PGBD1: variants seen among roughly 807,000 people sequenced by gnomAD.
The protein encoded by PGBD1 is piggyBac transposable element-derived protein 1.
In PGBD1, 25 loss-of-function variants were observed where a neutral mutation model predicts 34.7. That is an observed-to-expected ratio of 0.72 (90% confidence interval 0.52 to 1.00). PGBD1 has a LOEUF of 1.00. Ranked by LOEUF, PGBD1 falls within the 50% of genes least tolerant of loss-of-function variation. PGBD1 has a pLI of 0.00. For synonymous variants in PGBD1, 292 were observed against 335.7 expected, an observed-to-expected ratio of 0.87 and a Z score of 1.42; for missense variants, 830 against 959.4, an observed-to-expected ratio of 0.87 and a Z score of 1.78.
rs1299100739 is a variant in PGBD1 at position 28,300,718 on chromosome 6, T to C, written c.870-6T>C. The C allele has an allele frequency of 6.3e-7, 1 of 1,589,430 alleles. No individual in the cohort carries two copies. The highest frequency in any genetic ancestry group is 1.4e-5 in the African/African-American group (1 of 73,466). ...TTTTATAACATGTTCTTTTTTTCTT[T>C]CCCAGAGAGTGTGCACCCCAGATTC... On this transcript the variant is annotated splice_region_variant and splice_polypyrimidine_tract_variant and intron_variant, in intron 6 of 6. Transcript: ENST00000682144. This position sits in a 1 kb window ranked among gnomAD's most constrained non-coding sequence, Gnocchi z 4.0.
rs764161987 is a variant in PGBD1 at position 28,300,819 on chromosome 6, T to TGG, written c.966_967insGG (p.Trp323GlyfsTer29). The stretch of plus-strand genomic sequence containing the variant: ...CTGAAGGACCGTCACCCAGGTGATT[T>TGG]GTGGGCCCGCATGCACATCTCATCC... On this transcript the variant is annotated frameshift_variant, in exon 7 of 7. Coordinates refer to ENST00000682144, the MANE Select transcript of PGBD1 (RefSeq NM_032507.4). LOFTEE classifies it low-confidence loss of function (END_TRUNC). The surrounding 1 kb of genome is among the most constrained non-coding windows in gnomAD (Gnocchi z 4.0). 6.2e-7 allele frequency: 1 copy of TGG among 1,614,142 alleles called. No individual in the cohort carries two copies. The highest frequency in any genetic ancestry group is 8.5e-7 in the Non-Finnish European group (1 of 1,180,022).
At chr6:28,290,672 G>A (rs1561887509) in intron 4 of PGBD1, among the ~76,000 whole-genome samples, 1 of 152,076 alleles carries the variant, frequency 6.6e-6, no homozygotes, top group Non-Finnish European at 1.5e-5. Context: ...CAGCACGTGG[G>A]ACATAAGAAT....
At position 28,301,810 on chromosome 6, in the gene PGBD1, G is replaced by A. The variant is rs1322566255; in HGVS notation, c.1956G>A (p.Glu652=). 6.2e-7 allele frequency: 1 copy of A among 1,614,026 alleles called. No individual in the cohort carries two copies. The highest frequency in any genetic ancestry group is 1.7e-5 in the Admixed American group (1 of 60,006). The change falls in exon 7 of 7, where the codon GAG becomes GAA. Residue 652 remains glutamate, a synonymous_variant. Coordinates refer to ENST00000682144, the MANE Select transcript of PGBD1 (RefSeq NM_032507.4). ...KGVRATGTIR[E]NRTEKCPLMN... ...TGAGGGCAACAGGAACAATTCGTGA[G>A]AACAGGACCGAAAAATGTCCCCTTA... is the stretch of plus-strand genomic sequence containing the variant.
At chr6:28,298,172 C>T (rs1197014541) in intron 6 of PGBD1, among the ~76,000 whole-genome samples, 181 bp downstream of exon 6, 1 of 152,106 alleles carries the variant, frequency 6.6e-6, no homozygotes, top group Non-Finnish European at 1.5e-5. Context: ...TTTCAATATG[C>T]AATAAATATA....
chr6:28,297,825 T>A, intron 5 of PGBD1, 70 bp from the exon 6 acceptor site: 1 of 190,106 alleles, frequency 5.3e-6, no homozygotes, highest in Non-Finnish European at 9.7e-6. Flanking sequence ...AGTTTTTTTT[T>A]TTTTTTTTTT....
At position 28,301,180 on chromosome 6, in the gene PGBD1, T is replaced by A; in HGVS notation, c.1326T>A (p.Tyr442Ter). Residue 442 changes from tyrosine to a stop codon, truncating the protein, a stop_gained, in exon 7 of 7, where the codon TAT becomes TAA. Coordinates refer to ENST00000682144, the MANE Select transcript of PGBD1 (RefSeq NM_032507.4). LOFTEE classifies it low-confidence loss of function (END_TRUNC). The stretch of plus-strand genomic sequence containing the variant: ...TAATTGTCAATGAAACCAATAATTA[T>A]GCTTCTCAGAAAAATGTCAGCTTGG... Reference protein sequence around the residue: ...FNLIVNETNNYASQKNVSLEV... With the variant: ...FNLIVNETNN 2 of 1,614,206 alleles carry A rather than the reference T, an allele frequency of 1.2e-6. No homozygotes were observed. Among genetic ancestry groups the A allele is most frequent in the Middle Eastern group, 1.6e-4 (1 of 6,062 alleles).
chr6:28,287,300 A>C, intron 4 of PGBD1, 132 bp downstream of exon 4: 1 of 741,284 alleles, frequency 1.3e-6, no homozygotes, highest in Non-Finnish European at 2.4e-6. Context: ...CTCTGCCTTC[A>C]CCTTGTCACA....
chr6:28,299,247 T>G (rs1762746863), intron 6 of PGBD1, among the ~76,000 whole-genome samples: 1 of 152,128 alleles, frequency 6.6e-6, no homozygotes, highest in Non-Finnish European at 1.5e-5. Context: ...TAACAAAAAG[T>G]GTGAAGGTAG....
intron 4 of PGBD1, among the ~76,000 whole-genome samples, chr6:28,291,671 A>T (rs1046822986): frequency 1.3e-5 from 2 of 152,186 alleles, no homozygotes; most frequent in African/African-American, 2.4e-5. Flanking sequence ...ACAGACCAAC[A>T]TCACTGATGA....
chr6:28,290,520 C>G (rs946989523), intron 4 of PGBD1, among the ~76,000 whole-genome samples: 3 of 152,060 alleles, frequency 2.0e-5, no homozygotes, highest in Non-Finnish European at 4.4e-5. Flanking sequence ...TTTTAACACC[C>G]CACTCTCAGT....
intron 4 of PGBD1, among the ~76,000 whole-genome samples, chr6:28,296,607 G>A (rs934594719): frequency 2.0e-5 from 3 of 152,198 alleles, no homozygotes; most frequent in African/African-American, 7.2e-5. Context: ...ATTTCAAGAT[G>A]CCTAGCATCT....
chr6:28,289,831 A>G (rs1406644576), intron 4 of PGBD1, among the ~76,000 whole-genome samples: 1 of 152,240 alleles, frequency 6.6e-6, no homozygotes, highest in Non-Finnish European at 1.5e-5. Context: ...GGTAATATAA[A>G]GATATAAATT....
Position 28,302,427 on chromosome 6 carries a change from G to A in PGBD1, c.*143G>A, listed in dbSNP as rs1026643265. 5 of 852,140 alleles carry A rather than the reference G, an allele frequency of 5.9e-6. No individual in the cohort carries two copies. Among genetic ancestry groups the A allele is most frequent in the Non-Finnish European group, 8.6e-6 (5 of 582,678 alleles). The allele number at this position is 852,140 out of a possible 1,614,324, so 52.8% of individuals were successfully genotyped here. On this transcript the variant is annotated 3_prime_UTR_variant, in exon 7 of 7. Coordinates refer to ENST00000682144, the MANE Select transcript of PGBD1 (RefSeq NM_032507.4). ...CTTTTAAAAATCAGACATTTATATA[G>A]AGTTTCAAAGACTATTGTAACAAGT...
chr6:28,292,177 A>C (rs997447624), intron 4 of PGBD1, among the ~76,000 whole-genome samples: 1 of 152,160 alleles, frequency 6.6e-6, no homozygotes, highest in African/African-American at 2.4e-5. Context: ...TACCTCGAAA[A>C]ACCTGAAGAC....
In PGBD1 at chr6:28,300,999, TATC is replaced by T. The variant is rs1030449673; in HGVS notation, c.1148_1150del (p.Ser383del). On this transcript the variant is annotated inframe_deletion, in exon 7 of 7. Transcript: ENST00000682144. The surrounding 1 kb of genome is among the most constrained non-coding windows in gnomAD (Gnocchi z 4.0). ...CAGCCTGCTCAAAAGAAGTTAAAGG[TATC>T]ATGTTTCCCAGAAAAGAGTTGGACC... 5 of 1,613,974 alleles carry T rather than the reference TATC, an allele frequency of 3.1e-6. No individual in the cohort carries two copies. The highest frequency in any genetic ancestry group is 2.7e-5 in the African/African-American group (2 of 74,880).
At chr6:28,299,304 T>C (rs1282148566) in intron 6 of PGBD1, among the ~76,000 whole-genome samples, 2 of 152,148 alleles carry the variant, frequency 1.3e-5, no homozygotes, top group African/African-American at 4.8e-5. Context: ...ATCAAAGGTC[T>C]AGCCCCCTGC....
At chr6:28,291,968 G>T (rs1762470838) in intron 4 of PGBD1, among the ~76,000 whole-genome samples, 1 of 152,090 alleles carries the variant, frequency 6.6e-6, no homozygotes, top group Non-Finnish European at 1.5e-5. Context: ...GGCCATATAT[G>T]ACAAACCTAC....
chr6:28,295,566 G>A (rs957674933), intron 4 of PGBD1, among the ~76,000 whole-genome samples: 4 of 152,010 alleles, frequency 2.6e-5, no homozygotes, highest in Non-Finnish European at 5.9e-5. Context: ...GTTCAACATC[G>A]CAGGAAGCCC....
chr6:28,284,522 C>T (rs148536354), intron 2 of PGBD1, among the ~76,000 whole-genome samples: 90 of 152,004 alleles, frequency 5.9e-4, no homozygotes, highest in Non-Finnish European at 1.1e-3. Context: ...GTTGCAAACA[C>T]TATATCCCTT....
Sources: gnomAD v4.1 joint callset for allele counts (sites outside exome capture counted in the v4.1 genomes callset) on GRCh38, gnomAD v4.1.1 for gene constraint, Gnocchi (gnomAD v3.1) non-coding constraint, MANE v1.5 for transcripts, NCBI Gene and HGNC (gene_info 2026-07-23, HGNC 2026-07-21) for gene names.